ENAH: variants seen among roughly 807,000 people sequenced by gnomAD.
ENAH encodes the protein protein enabled homolog.
ENAH carries 23 observed loss-of-function variants against 78.7 expected under a neutral mutation model. That is an observed-to-expected ratio of 0.29 (90% CI 0.21 to 0.41). ENAH has a LOEUF of 0.41. Among genes scored for constraint, ENAH ranks in the 10% least tolerant of loss-of-function variants. The probability of loss-of-function intolerance (pLI) is 1.00; values close to 1 mark genes in which losing one functional copy is unlikely to be tolerated. For synonymous variants in ENAH, 226 were observed against 241.0 expected (o/e 0.94, Z 0.58); for missense variants, 544 against 691.0 (o/e 0.79, Z 2.39).
At chr1:225,564,989 A>T (rs991686368) in intron 2 of ENAH, among the ~76,000 whole-genome samples, 2 of 152,028 alleles carry the variant, frequency 1.3e-5, no homozygotes, top group Non-Finnish European at 2.9e-5. Flanking sequence ...AATATACATA[A>T]TAATTTCCTC....
intron 1 of ENAH, among the ~76,000 whole-genome samples, chr1:225,590,982 C>T (rs1373551314): frequency 6.6e-6 from 1 of 152,180 alleles, no homozygotes; most frequent in Non-Finnish European, 1.5e-5. Flanking sequence ...AATACATTTA[C>T]TTTTCCATTG....
At chr1:225,571,956 T>C (rs1423393001) in intron 1 of ENAH, among the ~76,000 whole-genome samples, 1 of 152,120 alleles carries the variant, frequency 6.6e-6, no homozygotes, top group Non-Finnish European at 1.5e-5. Context: ...TGAAGCGCTT[T>C]CCTGAGTTTT....
At chr1:225,562,067 C>T (rs1283736213) in intron 2 of ENAH, among the ~76,000 whole-genome samples, 8 of 151,998 alleles carry the variant, frequency 5.3e-5, no homozygotes, top group Admixed American at 6.6e-5. Context: ...GGATTACAGG[C>T]GCGCGCCACT....
At chr1:225,515,063 A>C (rs1013203284) in intron 6 of ENAH, 163 bp from the exon 7 acceptor site, 2 of 680,342 alleles carry the variant, frequency 2.9e-6, no homozygotes, top group Admixed American at 5.6e-5. Context: ...AGTTTTTGAA[A>C]GATACTGAAA....
intron 3 of ENAH, among the ~76,000 whole-genome samples, chr1:225,548,943 G>A (rs747174882): frequency 2.0e-5 from 3 of 150,006 alleles, no homozygotes; most frequent in Non-Finnish European, 4.4e-5. Flanking sequence ...TCCGCCTCCC[G>A]GGTTCAAGCA....
At chr1:225,645,940 T>C (rs1661875425) in intron 1 of ENAH, among the ~76,000 whole-genome samples, 1 of 152,218 alleles carries the variant, frequency 6.6e-6, no homozygotes, top group Admixed American at 6.5e-5. Flanking sequence ...CCCAAAGTAG[T>C]CTTTGGAAAA....
chr1:225,630,021 A>T (rs2035916), intron 1 of ENAH, among the ~76,000 whole-genome samples: 14,156 of 152,220 alleles, frequency 0.093, 785 homozygotes, highest in South Asian at 0.24. Flanking sequence ...AACAAACTGA[A>T]AAAGGAAAGT....
intron 1 of ENAH, among the ~76,000 whole-genome samples, chr1:225,610,049 T>A (rs2096980031): frequency 6.6e-6 from 1 of 152,112 alleles, no homozygotes; most frequent in African/African-American, 2.4e-5. Flanking sequence ...AATTAAATTT[T>A]TAAATCATGC....
At chr1:225,604,229 T>C (rs2096943798) in intron 1 of ENAH, among the ~76,000 whole-genome samples, 1 of 152,232 alleles carries the variant, frequency 6.6e-6, no homozygotes, top group Admixed American at 6.5e-5. Flanking sequence ...ATAACACTCT[T>C]AGGAGGTATT....
intron 4 of ENAH, among the ~76,000 whole-genome samples, chr1:225,521,267 T>TA (rs1575392599): frequency 2.6e-5 from 4 of 152,288 alleles, no homozygotes; most frequent in Admixed American, 6.5e-5. Context: ...AATAAGGACA[T>TA]AAATTTTGCT....
chr1:225,540,072 G>C (rs752878052), intron 3 of ENAH, among the ~76,000 whole-genome samples: 1 of 152,160 alleles, frequency 6.6e-6, no homozygotes, highest in Non-Finnish European at 1.5e-5. Context: ...TCTGTCTAAA[G>C]ACTCTCGGGA....
chr1:225,490,028 CAAAA>C lies in ENAH; in HGVS notation c.*7743_*7746del, dbSNP rs1181931765. 6.6e-6 allele frequency: 1 copy of C among 151,944 alleles called. No individual in the cohort carries two copies. Among genetic ancestry groups the C allele is most frequent in the Non-Finnish European group, 1.5e-5 (1 of 67,994 alleles). The allele number at this position is 151,944 out of a possible 1,614,324, so 9.4% of individuals were successfully genotyped here. A position where few individuals can be genotyped will look rare whatever the true frequency, so the allele number is the denominator to read the frequency against. ...TGGCAAGGAAAAAATAAAAACAAAA[CAAAA>C]AGAATTTAAAAAAAGAACTCAACTT... On this transcript the variant is annotated 3_prime_UTR_variant, in exon 14 of 14. Coordinates refer to ENST00000366843, the MANE Select transcript of ENAH (RefSeq NM_018212.6).
rs919799062 is a variant in ENAH, at chr1:225,517,672, G to A, written c.803-366C>T. 5 of 1,550,956 alleles carry A rather than the reference G, an allele frequency of 3.2e-6. No homozygotes were observed. The African/African-American group carries it at 5.5e-5, about 17-fold the overall frequency. ...CCAGGCACAGGGCTTCGTAGCTGGA[G>A]GCTGAGAAGAGGGTGTGTTCACAGG... is the stretch of plus-strand genomic sequence containing the variant. On this transcript the variant is annotated intron_variant, in intron 5 of 13. Coordinates refer to ENST00000366843, the MANE Select transcript of ENAH (RefSeq NM_018212.6).
At chr1:225,613,611 G>C (rs1382950012) in intron 1 of ENAH, among the ~76,000 whole-genome samples, 1 of 151,936 alleles carries the variant, frequency 6.6e-6, no homozygotes, top group Admixed American at 6.6e-5. Context: ...GTGTAACTTT[G>C]CTAGATATTT....
intron 2 of ENAH, among the ~76,000 whole-genome samples, chr1:225,566,261 T>A (rs1267508666): frequency 2.0e-5 from 3 of 150,984 alleles, no homozygotes; most frequent in Non-Finnish European, 4.4e-5. Context: ...TTTTGTGTGT[T>A]TTTTTGTTTG....
At chr1:225,590,363 C>T (rs1444160538) in intron 1 of ENAH, among the ~76,000 whole-genome samples, 1 of 151,854 alleles carries the variant, frequency 6.6e-6, no homozygotes, top group Non-Finnish European at 1.5e-5. Flanking sequence ...ACTCAGGAGG[C>T]TGAGGCTCAA....
intron 1 of ENAH, among the ~76,000 whole-genome samples, chr1:225,595,375 T>G (rs1337962298): frequency 6.6e-6 from 1 of 151,782 alleles, no homozygotes; most frequent in Non-Finnish European, 1.5e-5. Flanking sequence ...AAGCTGAAGT[T>G]GGTAATGCAA....
intron 1 of ENAH, among the ~76,000 whole-genome samples, chr1:225,615,809 G>A (rs1284302625): frequency 5.3e-5 from 8 of 151,728 alleles, no homozygotes; most frequent in Admixed American, 4.6e-4. Context: ...CTGCCCGGCC[G>A]CCACCCCGTC....
At chr1:225,510,544 CTG>C (rs2096368496) in intron 10 of ENAH, among the ~76,000 whole-genome samples, 1 of 151,978 alleles carries the variant, frequency 6.6e-6, no homozygotes, top group Non-Finnish European at 1.5e-5. Flanking sequence ...AAATAACAAA[CTG>C]AGTCCTATTC....
Sources: gnomAD v4.1 joint callset for allele counts (sites outside exome capture counted in the v4.1 genomes callset) on GRCh38, gnomAD v4.1.1 for gene constraint, MANE v1.5 for transcripts, NCBI Gene and HGNC (gene_info 2026-07-23, HGNC 2026-07-21) for gene names.